RORA: variants seen among roughly 807,000 people sequenced by gnomAD.
The protein encoded by RORA is nuclear receptor ROR-alpha.
In RORA, 7 loss-of-function variants were observed where a neutral mutation model predicts 69.5. That is an observed-to-expected ratio of 0.10 (90% CI 0.06 to 0.19). RORA has a LOEUF of 0.19. RORA is among the 10% of genes least tolerant of loss of function. RORA has a pLI of 1.00. For synonymous variants in RORA, 261 were observed against 240.8 expected (o/e 1.08, Z -0.78); for missense variants, 457 against 663.0 (o/e 0.69, Z 3.41).
At chr15:60,580,199 A>G (rs549364529) in intron 2 of RORA, among the ~76,000 whole-genome samples, 1 of 152,340 alleles carries the variant, frequency 6.6e-6, no homozygotes, top group South Asian at 2.1e-4. Flanking sequence ...TGGAGTACAC[A>G]TGATTTGAGT....
chr15:60,792,741 G>C (rs922159888), intron 1 of RORA, among the ~76,000 whole-genome samples: 1 of 152,162 alleles, frequency 6.6e-6, no homozygotes, highest in Non-Finnish European at 1.5e-5. Context: ...GAGATTCATT[G>C]CCAAGAGATC....
chr15:61,208,925 T>C (rs2079965747), intron 1 of RORA, among the ~76,000 whole-genome samples: 2 of 152,242 alleles, frequency 1.3e-5, no homozygotes, highest in Admixed American at 6.5e-5. Flanking sequence ...GTATATATCA[T>C]ACTGGATAAC....
At chr15:60,913,232 G>A (rs1303145163) in intron 1 of RORA, among the ~76,000 whole-genome samples, 4 of 152,172 alleles carry the variant, frequency 2.6e-5, no homozygotes, top group African/African-American at 4.8e-5. Context: ...CAGGCTCAGG[G>A]AGGGGCCCTT....
intron 1 of RORA, among the ~76,000 whole-genome samples, chr15:61,062,263 G>C (rs951056134): frequency 2.6e-5 from 4 of 152,150 alleles, no homozygotes; most frequent in Non-Finnish European, 5.9e-5. Context: ...ACGGCTCTGG[G>C]CCCAGCTTCC....
At chr15:60,976,178 G>C (rs751912639) in intron 1 of RORA, among the ~76,000 whole-genome samples, 1 of 152,220 alleles carries the variant, frequency 6.6e-6, no homozygotes, top group Admixed American at 6.5e-5. Flanking sequence ...GCCTGGCCAG[G>C]TGGAGACTTG....
At chr15:60,644,112 T>G (rs1246583509) in intron 2 of RORA, among the ~76,000 whole-genome samples, 1 of 152,218 alleles carries the variant, frequency 6.6e-6, no homozygotes, top group Non-Finnish European at 1.5e-5. Flanking sequence ...AGGAGGGGAC[T>G]AATTTGAGAA....
intron 1 of RORA, among the ~76,000 whole-genome samples, chr15:60,900,073 G>T (rs765293453): frequency 1.3e-5 from 2 of 152,210 alleles, no homozygotes; most frequent in African/African-American, 4.8e-5. Flanking sequence ...TTTAATTGCT[G>T]TGGGTTAAGC....
At chr15:60,592,194 G>C (rs1023434508) in intron 2 of RORA, among the ~76,000 whole-genome samples, 1 of 151,868 alleles carries the variant, frequency 6.6e-6, no homozygotes, top group Admixed American at 6.5e-5. Context: ...CCCAATCGGA[G>C]GCAGGCCGAT....
At chr15:61,095,117 G>C (rs1054104295) in intron 1 of RORA, among the ~76,000 whole-genome samples, 3 of 152,186 alleles carry the variant, frequency 2.0e-5, no homozygotes, top group Non-Finnish European at 4.4e-5. Flanking sequence ...GGGTGTAAAG[G>C]TGTAAAGCTG....
At position 60,814,395 on chromosome 15, in the gene RORA, C is replaced by A. The variant is rs561853375; in HGVS notation, c.167-135709G>T. Among the ~76,000 whole-genome samples the A allele has an allele frequency of 9.9e-5, 15 of 152,268 alleles. No individual in the cohort carries two copies. The South Asian group carries it at 2.5e-3, about 25-fold the overall frequency. On this transcript the variant is annotated intron_variant, in intron 1 of 10. Coordinates refer to ENST00000335670, the MANE Select transcript of RORA (RefSeq NM_134261.3). The stretch of plus-strand genomic sequence containing the variant: ...GGATCTATGGTATCTTTTTCTCTTT[C>A]CAGATGGAGCTTCCTGAGGGTAGGA...
chr15:61,038,084 C>T (rs1431627288), intron 1 of RORA, among the ~76,000 whole-genome samples: 2 of 152,116 alleles, frequency 1.3e-5, no homozygotes, highest in Non-Finnish European at 2.9e-5. Context: ...TATGAACATT[C>T]GTCTATTATT....
intron 1 of RORA, among the ~76,000 whole-genome samples, chr15:61,188,722 A>G (rs890182369): frequency 6.6e-6 from 1 of 152,204 alleles, no homozygotes; most frequent in Non-Finnish European, 1.5e-5. Flanking sequence ...CACAATGGAG[A>G]GAGGGCAGGT....
At chr15:61,202,647 C>T (rs1361286964) in intron 1 of RORA, among the ~76,000 whole-genome samples, 2 of 152,020 alleles carry the variant, frequency 1.3e-5, no homozygotes, top group East Asian at 1.9e-4. Context: ...AATTCAGATG[C>T]CTATTTTAAG....
At chr15:60,586,769 G>A (rs141360624) in intron 2 of RORA, among the ~76,000 whole-genome samples, 1 of 152,118 alleles carries the variant, frequency 6.6e-6, no homozygotes, top group Admixed American at 6.5e-5. Context: ...TCATCTGAGT[G>A]ACTTTAAAGG....
At chr15:61,046,547 A>G (rs1301536840) in intron 1 of RORA, among the ~76,000 whole-genome samples, 3 of 152,220 alleles carry the variant, frequency 2.0e-5, no homozygotes, top group Non-Finnish European at 2.9e-5. Context: ...GGCGAGCCGC[A>G]GGAAGGGTAC....
intron 1 of RORA, among the ~76,000 whole-genome samples, chr15:61,087,920 T>G (rs1433595398): frequency 2.0e-5 from 3 of 152,226 alleles, no homozygotes; most frequent in African/African-American, 7.2e-5. Context: ...GAGACACAGA[T>G]GTCTTCTGTT....
At chr15:61,200,333 G>T (rs551663014) in intron 1 of RORA, among the ~76,000 whole-genome samples, 1 of 152,254 alleles carries the variant, frequency 6.6e-6, no homozygotes, top group Admixed American at 6.5e-5. Context: ...TCAGGGTGTT[G>T]AGAGGCCATC....
intron 1 of RORA, among the ~76,000 whole-genome samples, chr15:60,993,118 C>T (rs540306906): frequency 3.3e-5 from 5 of 152,274 alleles, no homozygotes; most frequent in African/African-American, 1.2e-4. Context: ...TTATGTTAAG[C>T]TCAGCTCTTT....
chr15:61,202,559 G>A (rs2079904803), intron 1 of RORA, among the ~76,000 whole-genome samples: 1 of 152,124 alleles, frequency 6.6e-6, no homozygotes, highest in South Asian at 2.1e-4. Context: ...CATACCCTAG[G>A]AGGGTAGGGC....
Sources: allele counts gnomAD v4.1 joint callset (sites outside exome capture counted in the v4.1 genomes callset), GRCh38; gene constraint gnomAD v4.1.1; transcripts MANE v1.5; gene names NCBI Gene and HGNC (gene_info 2026-07-23, HGNC 2026-07-21).